The following ATE1 variants were observed in gnomAD, a reference collection of about 807,000 sequenced individuals.
The protein encoded by ATE1 is arginyl-tRNA--protein transferase 1.
A neutral mutation model predicts 70.5 loss-of-function variants in ATE1; 36 were observed. That is an observed-to-expected ratio of 0.51 (90% CI 0.39 to 0.67). The LOEUF is 0.67. Ranked by LOEUF, ATE1 falls within the 30% of genes least tolerant of loss-of-function variation. The pLI is 0.00. For missense variants in ATE1, 593 were observed against 629.5 expected, an observed-to-expected ratio of 0.94 and a Z score of 0.62; for synonymous variants, 232 against 219.3, an observed-to-expected ratio of 1.06 and a Z score of -0.51.
At chr10:121,839,926 G>C (rs764209344) in intron 9 of ATE1, among the ~76,000 whole-genome samples, 49 of 152,172 alleles carry the variant, frequency 3.2e-4, no homozygotes, top group Admixed American at 5.9e-4. Context: ...ACATTTTACT[G>C]TGACGTGAAA....
intron 10 of ATE1, among the ~76,000 whole-genome samples, chr10:121,815,583 T>C (rs1003081001): frequency 1.3e-5 from 2 of 152,184 alleles, no homozygotes; most frequent in Non-Finnish European, 2.9e-5. Flanking sequence ...TTTAAGGTGG[T>C]CCTGGGGTAA....
intron 8 of ATE1, among the ~76,000 whole-genome samples, chr10:121,848,387 C>G (rs1331986411): frequency 6.6e-6 from 1 of 151,892 alleles, no homozygotes; most frequent in African/African-American, 2.4e-5. Context: ...GAGGCAGAGG[C>G]AGGCCGATCA....
rs1338475695 is a variant in ATE1, at chr10:121,853,140, C to T, written c.976-11877G>A. On this transcript the variant is annotated intron_variant, in intron 8 of 11. Coordinates refer to ENST00000224652, the MANE Select transcript of ATE1 (RefSeq NM_001001976.3). ...AGCACTTTGGGAGGCCGAGGTGGGC[C>T]GATCACGAGGTCAGGAGGTCGAGAC... 5.9e-5 allele frequency among the ~76,000 whole-genome samples: 9 copies of T among 151,876 alleles called. No homozygotes were observed. The East Asian group carries it at 1.6e-3, about 26-fold the overall frequency.
At chr10:121,799,530 C>T (rs1243052383) in intron 10 of ATE1, among the ~76,000 whole-genome samples, 1 of 152,064 alleles carries the variant, frequency 6.6e-6, no homozygotes, top group Non-Finnish European at 1.5e-5. Flanking sequence ...ACCTGTCCAT[C>T]AAAATTTCAC....
intron 7 of ATE1, among the ~76,000 whole-genome samples, chr10:121,894,692 G>A (rs1950707714): frequency 6.6e-6 from 1 of 152,092 alleles, no homozygotes; most frequent in Non-Finnish European, 1.5e-5. Flanking sequence ...GAGGTCAGGA[G>A]ATCAAGACCA....
intron 3 of ATE1, among the ~76,000 whole-genome samples, chr10:121,921,174 C>G (rs191192455): frequency 9.9e-5 from 15 of 151,916 alleles, no homozygotes; most frequent in African/African-American, 3.4e-4. Flanking sequence ...ATCCCACCAC[C>G]CAGGTACTGA....
At chr10:121,883,803 T>C (rs915325270) in intron 7 of ATE1, among the ~76,000 whole-genome samples, 2 of 152,028 alleles carry the variant, frequency 1.3e-5, no homozygotes, top group African/African-American at 4.8e-5. Context: ...ACATCATGTC[T>C]AGTATAAAAA....
At chr10:121,766,617 T>C (rs1345670834) in intron 11 of ATE1, among the ~76,000 whole-genome samples, 1 of 151,998 alleles carries the variant, frequency 6.6e-6, no homozygotes, top group Non-Finnish European at 1.5e-5. Flanking sequence ...CCCCGAAATT[T>C]GGGGATTTTT....
chr10:121,904,140 G>C, intron 5 of ATE1, among the ~76,000 whole-genome samples: 1 of 151,514 alleles, frequency 6.6e-6, no homozygotes, highest in Non-Finnish European at 1.5e-5. Flanking sequence ...GTGCCACCAT[G>C]CCTGGCTAAT....
chr10:121,821,101 CT>C (rs1590389440), intron 10 of ATE1, among the ~76,000 whole-genome samples: 1 of 152,334 alleles, frequency 6.6e-6, no homozygotes, highest in East Asian at 1.9e-4. Context: ...ACCACCACGC[CT>C]GGCTAATTTC....
intron 4 of ATE1, among the ~76,000 whole-genome samples, chr10:121,911,807 C>A (rs1951445892): frequency 6.6e-6 from 1 of 151,856 alleles, no homozygotes; most frequent in Non-Finnish European, 1.5e-5. Context: ...AGTGCAGGGG[C>A]GCGACCTCGG....
chr10:121,919,028 A>C (rs879814261), intron 3 of ATE1, among the ~76,000 whole-genome samples: 3 of 145,004 alleles, frequency 2.1e-5, no homozygotes, highest in Non-Finnish European at 3.2e-5. Context: ...AAAATGGACC[A>C]ATCAGCACTC....
intron 10 of ATE1, among the ~76,000 whole-genome samples, chr10:121,791,238 TGTATGCCACCACGCCATG>T (rs1357807498): frequency 6.6e-6 from 1 of 151,592 alleles, no homozygotes; most frequent in Non-Finnish European, 1.5e-5. Flanking sequence ...GGGTTACTGG[TGTATGCCACCACGCCATG>T]CTAATGTTTG....
intron 11 of ATE1, among the ~76,000 whole-genome samples, chr10:121,755,207 C>T (rs992888144): frequency 3.3e-5 from 5 of 152,142 alleles, no homozygotes; most frequent in African/African-American, 1.2e-4. Context: ...ATCTGTAACA[C>T]TTGTACAGGG....
chr10:121,825,367 C>T (rs1947966623), intron 10 of ATE1, among the ~76,000 whole-genome samples: 1 of 152,098 alleles, frequency 6.6e-6, no homozygotes, highest in South Asian at 2.1e-4. Context: ...AAATATATTT[C>T]ATATCTCAGT....
chr10:121,797,042 C>T (rs1472915611), intron 10 of ATE1, among the ~76,000 whole-genome samples: 1 of 152,162 alleles, frequency 6.6e-6, no homozygotes, highest in Non-Finnish European at 1.5e-5. Context: ...AAAGTTATCT[C>T]ACTATCATAT....
intron 5 of ATE1, among the ~76,000 whole-genome samples, chr10:121,907,541 G>A (rs548080037): frequency 7.2e-5 from 11 of 152,142 alleles, no homozygotes; most frequent in Admixed American, 5.9e-4. Context: ...TTGGGAGGCC[G>A]AGGCGGATGG....
intron 11 of ATE1, among the ~76,000 whole-genome samples, chr10:121,764,595 G>A (rs1945199417): frequency 6.6e-6 from 1 of 151,894 alleles, no homozygotes; most frequent in African/African-American, 2.4e-5. Context: ...TTTTTGGTAT[G>A]ACTTAATTAT....
chr10:121,845,238 G>T (rs191479906), intron 8 of ATE1, among the ~76,000 whole-genome samples: 15 of 152,304 alleles, frequency 9.8e-5, no homozygotes, highest in Admixed American at 9.8e-4. Context: ...ACAGTAAAAA[G>T]ATTAGTGTTG....
Sources: allele counts gnomAD v4.1 joint callset (sites outside exome capture counted in the v4.1 genomes callset), GRCh38; gene constraint gnomAD v4.1.1; transcripts MANE v1.5; gene names NCBI Gene and HGNC (gene_info 2026-07-23, HGNC 2026-07-21).